The following RMND1 variants were observed in gnomAD, a reference collection of about 807,000 sequenced individuals.
RMND1 encodes required for meiotic nuclear division protein 1 homolog.
A neutral mutation model predicts 54.0 loss-of-function variants in RMND1; 41 were observed. The observed-to-expected ratio is 0.76, with a 90% CI of 0.59 to 0.98. The LOEUF is 0.98. Ranked by LOEUF, RMND1 falls within the 50% of genes least tolerant of loss-of-function variation. The pLI, the probability that RMND1 is intolerant of heterozygous loss-of-function variation, is 0.00. For synonymous variants in RMND1, 183 were observed against 181.7 expected (o/e 1.01, Z -0.06); for missense variants, 457 against 532.0 (o/e 0.86, Z 1.39).
chr6:151,415,428 G>A (rs1009302962), intron 10 of RMND1, among the ~76,000 whole-genome samples: 2 of 151,796 alleles, frequency 1.3e-5, no homozygotes. Flanking sequence ...TCTATGCAAC[G>A]AGATATATTA....
intron 6 of RMND1, among the ~76,000 whole-genome samples, chr6:151,425,867 C>A (rs1252514382): frequency 6.6e-6 from 1 of 152,018 alleles, no homozygotes; most frequent in Non-Finnish European, 1.5e-5. Context: ...GCTGATTACT[C>A]AGCTCTTATC....
chr6:151,405,364 AG>A (rs1779576098), intron 11 of RMND1, 97 bp from the exon 12 acceptor site: 4 of 1,190,780 alleles, frequency 3.4e-6, no homozygotes, highest in Admixed American at 1.8e-5. Context: ...ATGCTCCTGA[AG>A]TAAGGTAAAT....
intron 6 of RMND1, among the ~76,000 whole-genome samples, chr6:151,427,087 T>A (rs7748371): frequency 6.6e-6 from 1 of 151,966 alleles, no homozygotes; most frequent in African/African-American, 2.4e-5. Flanking sequence ...TTCTTAAAAG[T>A]AAGTTTCCAG....
rs866815653 is a variant in RMND1 at position 151,450,744 on chromosome 6, T to C, written c.-15+1272A>G. On this transcript the variant is annotated intron_variant, in intron 1 of 11. Coordinates refer to ENST00000444024, the MANE Select transcript of RMND1 (RefSeq NM_017909.4). ...GAACGGGACGGGATGACAATGGCGG[T>C]TTTGTGTAATAGAAAGGGGGGAAAG... 7.1e-3 allele frequency among the ~76,000 whole-genome samples: 1,074 copies of C among 151,074 alleles called. 6 individuals are homozygous for C. The highest frequency in any genetic ancestry group is 9.4e-3 in the Non-Finnish European group (639 of 67,670).
chr6:151,435,397 C>A (rs1683212925), intron 3 of RMND1, among the ~76,000 whole-genome samples: 1 of 152,096 alleles, frequency 6.6e-6, no homozygotes, highest in South Asian at 2.1e-4. Context: ...CCACCCACCT[C>A]AGCCTCCCAA....
intron 10 of RMND1, among the ~76,000 whole-genome samples, chr6:151,414,357 G>A (rs992329491): frequency 6.6e-6 from 1 of 152,126 alleles, no homozygotes; most frequent in African/African-American, 2.4e-5. Context: ...TTGAAAAACA[G>A]AAACAATAGG....
intron 6 of RMND1, among the ~76,000 whole-genome samples, chr6:151,426,066 C>T (rs930196537): frequency 6.6e-6 from 1 of 151,882 alleles, no homozygotes; most frequent in Non-Finnish European, 1.5e-5. Flanking sequence ...CCTCCGCCTC[C>T]GCCTCCCAAG....
chr6:151,448,601 AT>A (rs1466683516), intron 1 of RMND1, among the ~76,000 whole-genome samples: 2 of 152,150 alleles, frequency 1.3e-5, no homozygotes, highest in African/African-American at 2.4e-5. Context: ...ACCACTGCTC[AT>A]CATCAGTAAT....
chr6:151,430,904 T>C (rs1430182553), intron 4 of RMND1, among the ~76,000 whole-genome samples: 1 of 150,084 alleles, frequency 6.7e-6, no homozygotes, highest in African/African-American at 2.5e-5. Flanking sequence ...ACGTTATTCT[T>C]GAAACATTTC....
intron 1 of RMND1, among the ~76,000 whole-genome samples, chr6:151,448,639 C>T (rs1781030948): frequency 6.6e-6 from 1 of 152,226 alleles, no homozygotes; most frequent in Non-Finnish European, 1.5e-5. Context: ...AACTGCTATC[C>T]TTCCCATGGA....
intron 1 of RMND1, among the ~76,000 whole-genome samples, chr6:151,447,167 C>T (rs1433751065): frequency 3.3e-5 from 5 of 152,072 alleles, no homozygotes; most frequent in Non-Finnish European, 5.9e-5. Context: ...TTCATCTCCC[C>T]ATCTCGGGGA....
chr6:151,417,194 G>C, intron 10 of RMND1, 85 bp downstream of exon 10: 2 of 1,393,142 alleles, frequency 1.4e-6, no homozygotes, highest in Non-Finnish European at 9.8e-7. Flanking sequence ...AGTCAAACAA[G>C]ATATTTCTCT....
chr6:151,404,981 G>A lies in RMND1; in HGVS notation c.*254C>T, dbSNP rs897006913. The A allele has an allele frequency of 7.8e-6, 3 of 382,572 alleles. No homozygotes were observed. Among genetic ancestry groups the A allele is most frequent in the Non-Finnish European group, 1.4e-5 (3 of 212,678 alleles). The allele number at this position is 382,572 out of a possible 1,614,324, so 23.7% of individuals were successfully genotyped here. A position where few individuals can be genotyped will look rare whatever the true frequency, so the allele number is the denominator to read the frequency against. ...CCTCCCAAGTTCAAGAGATTCTCCT[G>A]CCTCAGCCTCCTGAGTAGCTGAGAT... On this transcript the variant is annotated 3_prime_UTR_variant, in exon 12 of 12. Transcript: ENST00000444024.
intron 1 of RMND1, among the ~76,000 whole-genome samples, chr6:151,451,627 T>A (rs1396882955): frequency 1.3e-5 from 2 of 152,226 alleles, no homozygotes; most frequent in Non-Finnish European, 2.9e-5. Flanking sequence ...ATCGAATTTT[T>A]AAAATGAAAT....
At chr6:151,405,860 C>G in intron 10 of RMND1, 24 bp from the exon 11 acceptor site, 1 of 1,253,770 alleles carries the variant, frequency 8.0e-7, no homozygotes, top group Non-Finnish European at 1.2e-6. Context: ...ATTTCAGTAA[C>G]ATGTATTTAA....
At chr6:151,428,756 A>G (rs540578848) in intron 5 of RMND1, among the ~76,000 whole-genome samples, 185 of 151,906 alleles carry the variant, frequency 1.2e-3, no homozygotes, top group African/African-American at 4.3e-3. Context: ...CTGGTCTGGA[A>G]CTCCTGAGCT....
chr6:151,405,584 A>G (rs1779585040), intron 11 of RMND1, 136 bp downstream of exon 11: 6 of 622,240 alleles, frequency 9.6e-6, no homozygotes, highest in Non-Finnish European at 1.7e-5. Context: ...TGAAACTTCC[A>G]AATAGAGTTA....
intron 2 of RMND1, among the ~76,000 whole-genome samples, chr6:151,442,576 T>G (rs1458208668): frequency 1.3e-5 from 2 of 152,140 alleles, no homozygotes; most frequent in African/African-American, 4.8e-5. Flanking sequence ...TCGCCCAGGC[T>G]GGACGGAGCG....
chr6:151,448,944 G>T (rs1414216138), intron 1 of RMND1, among the ~76,000 whole-genome samples: 1 of 150,940 alleles, frequency 6.6e-6, no homozygotes, highest in Non-Finnish European at 1.5e-5. Flanking sequence ...GGGCATGGTG[G>T]CATGGGCCTA....
Sources: gnomAD v4.1 joint callset for allele counts (sites outside exome capture counted in the v4.1 genomes callset) on GRCh38, gnomAD v4.1.1 for gene constraint, MANE v1.5 for transcripts, NCBI Gene and HGNC (gene_info 2026-07-23, HGNC 2026-07-21) for gene names.